ADGRL1: variants seen among roughly 807,000 people sequenced by gnomAD.
The protein encoded by ADGRL1 is adhesion G protein-coupled receptor L1.
A neutral mutation model predicts 148.9 loss-of-function variants in ADGRL1; 31 were observed. That is an observed-to-expected ratio of 0.21 (90% CI 0.16 to 0.28). The LOEUF (loss-of-function observed/expected upper bound fraction) is 0.28. Among genes scored for constraint, ADGRL1 ranks in the 10% least tolerant of loss-of-function variants. The pLI is 1.00. For missense variants in ADGRL1, 1,521 were observed against 2,058.8 expected, an observed-to-expected ratio of 0.74 and a Z score of 5.05; for synonymous variants, 937 against 900.3, an observed-to-expected ratio of 1.04 and a Z score of -0.73.
chr19:14,177,969 T>C (rs1052932368), intron 2 of ADGRL1, among the ~76,000 whole-genome samples: 3 of 152,156 alleles, frequency 2.0e-5, no homozygotes, highest in African/African-American at 7.2e-5. Flanking sequence ...TCCTAGGAAG[T>C]GACGTCTGAG....
At position 14,184,629 on chromosome 19, in the gene ADGRL1, TA is replaced by T. The variant is rs1279859564; in HGVS notation, c.-95-933del. Among the ~76,000 whole-genome samples the T allele has an allele frequency of 7.6e-3, 736 of 96,226 alleles. 7 individuals are homozygous for T. Among genetic ancestry groups the T allele is most frequent in the African/African-American group, 0.027 (677 of 24,934 alleles). 63.1% of individuals were successfully genotyped at this position (96,226 alleles called of 152,430 possible). On this transcript the variant is annotated intron_variant, in intron 1 of 22. Coordinates refer to ENST00000361434, the MANE Select transcript of ADGRL1 (RefSeq NM_014921.5). ...TATTTTATTTATTTATTTATTTATT[TA>T]TTTATTTATTTATTTATTTTTTTTT...
chr19:14,170,357 C>T (rs1002199156), intron 4 of ADGRL1: 1 of 210,058 alleles, frequency 4.8e-6, no homozygotes, highest in Non-Finnish European at 9.6e-6. Flanking sequence ...CGTAAGTGTG[C>T]CAGGCAGAGC....
chr19:14,192,486 C>G (rs927724948), intron 1 of ADGRL1, among the ~76,000 whole-genome samples: 14 of 151,256 alleles, frequency 9.3e-5, no homozygotes, highest in African/African-American at 2.9e-4. Context: ...GGTGATCCAC[C>G]TGCCTTGGTC....
chr19:14,159,066 C>T lies in ADGRL1; in HGVS notation c.2149+24G>A, dbSNP rs753291305. The T allele has an allele frequency of 2.2e-5, 35 of 1,612,130 alleles. No homozygotes were observed. Among genetic ancestry groups the T allele is most frequent in the African/African-American group, 1.6e-4 (12 of 74,864 alleles). On this transcript the variant is annotated intron_variant, in intron 11 of 22. Coordinates refer to ENST00000361434, the MANE Select transcript of ADGRL1 (RefSeq NM_014921.5). This position sits in a 1 kb window ranked among gnomAD's most constrained non-coding sequence, Gnocchi z 6.0. ...GTGGGGGTGGGGCTGCTTCCCCACCCGAGGCCCCGCCGGGGACACTGACCA... is the reference window on the plus strand; with the variant it reads ...GTGGGGGTGGGGCTGCTTCCCCACCTGAGGCCCCGCCGGGGACACTGACCA...
In ADGRL1 at chr19:14,155,062, C is replaced by A; in HGVS notation, c.3294+297G>T. The A allele has an allele frequency of 4.8e-6, 1 of 208,652 alleles. No individual in the cohort carries two copies. 12.9% of individuals were successfully genotyped at this position (208,652 alleles called of 1,614,324 possible). On this transcript the variant is annotated intron_variant, in intron 18 of 22. Coordinates refer to ENST00000361434, the MANE Select transcript of ADGRL1 (RefSeq NM_014921.5). The surrounding 1 kb of genome is among the most constrained non-coding windows in gnomAD (Gnocchi z 5.0). ...TCCCAAAGTCCTCCCTCTCCCAGGC[C>A]TGACTCGTGGCCCTCATGGTGGTGA...
At position 14,152,439 on chromosome 19, in the gene ADGRL1, TG is replaced by T. The variant is rs1968305683; in HGVS notation, c.3521-3del. The stretch of plus-strand genomic sequence containing the variant: ...TCAGCAGGTGGTTCCCCATGGTACC[TG>T]GCCAAAGGATCAGAGGTCACAAGGC... On this transcript the variant is annotated splice_region_variant and splice_polypyrimidine_tract_variant and intron_variant, in intron 20 of 22. Transcript: ENST00000361434. This position sits in a 1 kb window ranked among gnomAD's most constrained non-coding sequence, Gnocchi z 6.1. 1 of 1,603,616 alleles carries T rather than the reference TG, an allele frequency of 6.2e-7. No individual in the cohort carries two copies. The highest frequency in any genetic ancestry group is 8.5e-7 in the Non-Finnish European group (1 of 1,172,574).
chr19:14,204,524 G>C (rs145443771), intron 1 of ADGRL1, among the ~76,000 whole-genome samples: 42 of 152,184 alleles, frequency 2.8e-4, no homozygotes, highest in African/African-American at 1.0e-3. Flanking sequence ...GTTGGAGAGA[G>C]AAGCAGAAAC....
chr19:14,153,710 G>T (rs913336304), intron 18 of ADGRL1, among the ~76,000 whole-genome samples: 1 of 150,746 alleles, frequency 6.6e-6, no homozygotes, highest in African/African-American at 2.4e-5. Context: ...CAGCACTTTG[G>T]AAGGCAGAGG....
chr19:14,178,868 G>T (rs1970998831), intron 2 of ADGRL1, among the ~76,000 whole-genome samples: 1 of 152,086 alleles, frequency 6.6e-6, no homozygotes, highest in Non-Finnish European at 1.5e-5. Flanking sequence ...GAAGACACAG[G>T]AGCAGGCGGC....
intron 18 of ADGRL1, among the ~76,000 whole-genome samples, chr19:14,154,918 G>A (rs572503571): frequency 1.3e-5 from 2 of 152,138 alleles, no homozygotes; most frequent in Admixed American, 1.3e-4. Context: ...TGTCCGGACT[G>A]TATGTTTTTT....
Position 14,159,871 on chromosome 19 carries a change from C to G in ADGRL1, c.1801-98G>C. 1 of 1,177,358 alleles carries G rather than the reference C, an allele frequency of 8.5e-7. No individual in the cohort carries two copies. Among genetic ancestry groups the G allele is most frequent in the African/African-American group, 1.5e-5 (1 of 66,692 alleles). 72.9% of individuals were successfully genotyped at this position (1,177,358 alleles called of 1,614,324 possible). The stretch of plus-strand genomic sequence containing the variant: ...TGGATAGCTCTCTCGTCTGCGGTTA[C>G]CACTGACCCAGGGCTGGGCTATCAG... On this transcript the variant is annotated intron_variant, in intron 8 of 22. Coordinates refer to ENST00000361434, the MANE Select transcript of ADGRL1 (RefSeq NM_014921.5). This position sits in a 1 kb window ranked among gnomAD's most constrained non-coding sequence, Gnocchi z 6.0.
chr19:14,151,018 C>A lies in ADGRL1; in HGVS notation c.4265G>T (p.Arg1422Leu), dbSNP rs941488591. 9.9e-6 allele frequency: 13 copies of A among 1,307,820 alleles called. No homozygotes were observed. Among genetic ancestry groups the A allele is most frequent in the Non-Finnish European group, 1.2e-5 (12 of 999,622 alleles). The allele number at this position is 1,307,820 out of a possible 1,614,324, so 81.0% of individuals were successfully genotyped here. Reference sequence around the variant, plus strand: ...ATTCCGGGCCACCAGGGCTGGCGGGCGCGAGGTGTAGTAGATTTCGGGGGG... The same window carrying A: ...ATTCCGGGCCACCAGGGCTGGCGGGAGCGAGGTGTAGTAGATTTCGGGGGG... ...PGPPEIYYTS[R>L]PPALVARNPL... The change falls in exon 23 of 23, where the codon CGC (arginine) becomes CTC (leucine). Residue 1422 changes from arginine (R) to leucine (L), a missense_variant. By Grantham distance (102) the Arg-to-Leu change is moderately radical. Coordinates refer to ENST00000361434, the MANE Select transcript of ADGRL1 (RefSeq NM_014921.5).
chr19:14,202,592 G>C (rs1367020940), intron 1 of ADGRL1, among the ~76,000 whole-genome samples: 2 of 152,132 alleles, frequency 1.3e-5, no homozygotes, highest in African/African-American at 4.8e-5. Context: ...TGTGTTGCTA[G>C]AGTGTGAGCT....
intron 4 of ADGRL1, chr19:14,169,722 C>T: frequency 6.6e-6 from 1 of 152,178 alleles, no homozygotes; most frequent in East Asian, 1.9e-4. Context: ...CTCAGACACC[C>T]TGATGGCCCT....
Position 14,152,213 on chromosome 19 carries a change from G to A in ADGRL1, c.3650-63C>T. 6.2e-7 allele frequency: 1 copy of A among 1,614,054 alleles called. No homozygotes were observed. The highest frequency in any genetic ancestry group is 8.5e-7 in the Non-Finnish European group (1 of 1,180,002). On this transcript the variant is annotated intron_variant, in intron 21 of 22. Coordinates refer to ENST00000361434, the MANE Select transcript of ADGRL1 (RefSeq NM_014921.5). This position sits in a 1 kb window ranked among gnomAD's most constrained non-coding sequence, Gnocchi z 6.1. ...AGGATGAGCTCGAAATGCAAGTCCA[G>A]GCTCCAGTTCTGGGGCACAGAACAT... is the stretch of plus-strand genomic sequence containing the variant.
At position 14,159,213 on chromosome 19, in the gene ADGRL1, G is replaced by A. The variant is rs1568576714; in HGVS notation, c.2026C>T (p.Leu676=). The stretch of plus-strand genomic sequence containing the variant: ...TCTGTGTTCAGGACTGTGACCTCCA[G>A]GACTGTGGGGACAGGGGAAGGCAAG... ...RFLAAKENVV[L]EVTVLNTEGQ... Residue 676 remains leucine, a splice_region_variant and synonymous_variant, in exon 11 of 23, where the codon CTG becomes TTG. Coordinates refer to ENST00000361434, the MANE Select transcript of ADGRL1 (RefSeq NM_014921.5). This position sits in a 1 kb window ranked among gnomAD's most constrained non-coding sequence, Gnocchi z 6.0. 2 of 1,614,058 alleles carry A rather than the reference G, an allele frequency of 1.2e-6. No homozygotes were observed. Among genetic ancestry groups the A allele is most frequent in the Non-Finnish European group, 8.5e-7 (1 of 1,179,952 alleles).
chr19:14,188,739 C>T (rs942148314), intron 1 of ADGRL1, among the ~76,000 whole-genome samples: 5 of 152,244 alleles, frequency 3.3e-5, no homozygotes, highest in African/African-American at 9.6e-5. Context: ...TTGCCTCCGA[C>T]GTCCAGGCTC....
In ADGRL1 at chr19:14,148,776, G is replaced by C. The variant is rs914054980; in HGVS notation, c.*2097C>G. 6.5e-6 allele frequency: 1 copy of C among 152,674 alleles called. No homozygotes were observed. Among genetic ancestry groups the C allele is most frequent in the Non-Finnish European group, 1.5e-5 (1 of 68,118 alleles). The allele number at this position is 152,674 out of a possible 1,614,324, so 9.5% of individuals were successfully genotyped here. On this transcript the variant is annotated 3_prime_UTR_variant, in exon 23 of 23. Transcript: ENST00000361434. ...TTCCCCACACCTGTTCCCTTACACG[G>C]GACAAACCACCATCTTTGGTCTGAC... is the stretch of plus-strand genomic sequence containing the variant.
intron 1 of ADGRL1, among the ~76,000 whole-genome samples, chr19:14,193,810 G>A (rs1377957203): frequency 6.6e-6 from 1 of 152,200 alleles, no homozygotes; most frequent in African/African-American, 2.4e-5. Context: ...GCTTCTAGAA[G>A]CCAGGGAAGA....
Sources: allele counts gnomAD v4.1 joint callset (sites outside exome capture counted in the v4.1 genomes callset), GRCh38; gene constraint gnomAD v4.1.1; non-coding constraint Gnocchi (gnomAD v3.1); transcripts MANE v1.5; gene names NCBI Gene and HGNC (gene_info 2026-07-23, HGNC 2026-07-21).